The following SERINC4 variants were observed in gnomAD, a reference collection of about 807,000 sequenced individuals.
The protein encoded by SERINC4 is serine incorporator 4.
A neutral mutation model predicts 52.0 loss-of-function variants in SERINC4; 52 were observed. The ratio of observed to expected loss-of-function variants is 1.00; its 90% CI spans 0.80 to 1.26. SERINC4 has a LOEUF of 1.26. SERINC4 is among the 50% of genes most tolerant of loss of function. The pLI is 0.00. For synonymous variants in SERINC4, 264 were observed against 247.7 expected, an observed-to-expected ratio of 1.07 and a Z score of -0.62; for missense variants, 723 against 632.8, an observed-to-expected ratio of 1.14 and a Z score of -1.53.
At chr15:43,799,735 G>T in intron 1 of SERINC4, 150 bp downstream of exon 1, 1 of 822,568 alleles carries the variant, frequency 1.2e-6, no homozygotes, top group Non-Finnish European at 2.1e-6. Flanking sequence ...AAACACCTGG[G>T]GCTGGAAACA....
chr15:43,797,475 C>T (rs1456610016), intron 5 of SERINC4, 119 bp from the exon 6 acceptor site: 2 of 709,668 alleles, frequency 2.8e-6, no homozygotes, highest in South Asian at 1.9e-5. Context: ...TCACTGCAAC[C>T]TCCGCCTCTT....
intron 2 of SERINC4, 66 bp downstream of exon 2, chr15:43,799,244 C>T: frequency 6.6e-7 from 1 of 1,521,478 alleles, no homozygotes; most frequent in Non-Finnish European, 8.9e-7. Context: ...CAACCGAAAC[C>T]TTTTCTATCT....
chr15:43,796,560 C>A, intron 8 of SERINC4, 56 bp downstream of exon 8: 1 of 1,590,868 alleles, frequency 6.3e-7, no homozygotes, highest in Non-Finnish European at 8.6e-7. Context: ...CCTGACCATC[C>A]TTCCCTGTCT....
chr15:43,799,281 A>G (rs1368599551), intron 2 of SERINC4, 29 bp downstream of exon 2: 4 of 1,543,538 alleles, frequency 2.6e-6, no homozygotes, highest in Non-Finnish European at 3.5e-6. Flanking sequence ...ATCTCTTCCC[A>G]CCTGACAACC....
Position 43,799,905 on chromosome 15 carries a change from C to G in SERINC4, c.82G>C (p.Val28Leu). ...QQHSGGSSVLVKSPFCQVCCC... is the reference protein window; with the variant it reads ...QQHSGGSSVLLKSPFCQVCCC... ...CTCACCTGACAGAAGGGACTTTTCA[C>G]TAGGACACTGCTGCCTCCGCTGTGC... The change falls in exon 1 of 12, where the codon GTG (valine) becomes CTG (leucine). Residue 28 changes from valine to leucine, a missense_variant. Physicochemically the swap from Val to Leu is conservative, Grantham distance 32. Transcript: ENST00000319327. 1 of 1,549,284 alleles carries G rather than the reference C, an allele frequency of 6.5e-7. No homozygotes were observed. The highest frequency in any genetic ancestry group is 1.2e-5 in the South Asian group (1 of 83,862).
At chr15:43,799,215 C>G in intron 2 of SERINC4, 78 bp from the exon 3 acceptor site, 2 of 1,504,206 alleles carry the variant, frequency 1.3e-6, no homozygotes, top group Non-Finnish European at 1.8e-6. Context: ...GGTATGACCA[C>G]TCATTTGTCT....
In SERINC4 at chr15:43,795,110, GC is replaced by G; in HGVS notation, c.1446del (p.Leu483CysfsTer19). Reference protein sequence around the residue: ...SCWACVLLYLGLLLAPLCWPP... With the variant: ...SCWACVLLYLXLLLAPLCWPP... The stretch of plus-strand genomic sequence containing the variant: ...GGCCAACAGAGTGGTGCCAGTAACA[GC>G]CCCAGATAGAGGAGTACGCAGGCCC... On this transcript the variant is annotated frameshift_variant, in exon 12 of 12. Transcript: ENST00000319327. LOFTEE classifies it low-confidence loss of function (END_TRUNC). The G allele has an allele frequency of 6.2e-7, 1 of 1,614,058 alleles. No individual in the cohort carries two copies. The highest frequency in any genetic ancestry group is 8.5e-7 in the Non-Finnish European group (1 of 1,179,994).
In SERINC4 at chr15:43,799,968, C is replaced by A; in HGVS notation, c.19G>T (p.Gly7Cys). MVGAKA[G>C]PSPGTSLGLA... ...CCCAGGGAGGTGCCGGGGCTGGGGC[C>A]GGCCTTGGCACCCACCATCCTTGTC... Residue 7 changes from glycine (G) to cysteine (C), a missense_variant, in exon 1 of 12, where the codon GGC (glycine) becomes TGC (cysteine). Coordinates refer to ENST00000319327, the MANE Select transcript of SERINC4 (RefSeq NM_001258031.2). 6.5e-7 allele frequency: 1 copy of A among 1,545,174 alleles called. No homozygotes were observed. Among genetic ancestry groups the A allele is most frequent in the Non-Finnish European group, 8.7e-7 (1 of 1,145,024 alleles).
intron 9 of SERINC4, 98 bp downstream of exon 9, chr15:43,796,057 C>G: frequency 2.2e-6 from 2 of 889,612 alleles, no homozygotes; most frequent in South Asian, 1.4e-5. Context: ...GTAACAGCAG[C>G]TATAATCTGA....
At position 43,799,312 on chromosome 15, in the gene SERINC4, T is replaced by C. The variant is rs746379471; in HGVS notation, c.277A>G (p.Arg93Gly). 2 of 1,550,480 alleles carry C rather than the reference T, an allele frequency of 1.3e-6. No homozygotes were observed. The highest frequency in any genetic ancestry group is 8.7e-7 in the Non-Finnish European group (1 of 1,146,530). The change falls in exon 2 of 12, where the codon AGG (arginine) becomes GGG (glycine). Residue 93 changes from arginine (R) to glycine (G), a missense_variant and splice_region_variant. Arg to Gly is a moderately radical substitution (Grantham distance 125). Transcript: ENST00000319327. ...CAACCCGACCCCCTCTCACTTACCCTGTGTGTCTTGCCCCACACCCTTTCC... is the reference window on the plus strand; with the variant it reads ...CAACCCGACCCCCTCTCACTTACCCCGTGTGTCTTGCCCCACACCCTTTCC... Reference protein sequence around the residue: ...VVERVWGKTHRIQMPSGLCAH... With the variant: ...VVERVWGKTHGIQMPSGLCAH...
At position 43,799,630 on chromosome 15, in the gene SERINC4, A is replaced by G. The variant is rs1042589572; in HGVS notation, c.103-144T>C. The G allele has an allele frequency of 2.8e-6, 3 of 1,076,502 alleles. No homozygotes were observed. The Admixed American group carries it at 5.9e-5, about 21-fold the overall frequency. The allele number at this position is 1,076,502 out of a possible 1,614,324, so 66.7% of individuals were successfully genotyped here. A position where few individuals can be genotyped will look rare whatever the true frequency, so the allele number is the denominator to read the frequency against. On this transcript the variant is annotated intron_variant, in intron 1 of 11. Transcript: ENST00000319327. ...TTCCTTTTACTCAGGTTCTGTTTCAAGCTGATTCCAGCCATTTGGGATTGC... is the reference window on the plus strand; with the variant it reads ...TTCCTTTTACTCAGGTTCTGTTTCAGGCTGATTCCAGCCATTTGGGATTGC...
intron 5 of SERINC4, chr15:43,797,635 C>T (rs888479274): frequency 3.9e-6 from 2 of 509,036 alleles, no homozygotes; most frequent in Non-Finnish European, 7.1e-6. Context: ...TCATGATCCA[C>T]CCACCTCGGC....
rs1242969769 is a variant in SERINC4 at position 43,797,237 on chromosome 15, G to A, written c.752C>T (p.Ala251Val). 1 of 1,550,664 alleles carries A rather than the reference G, an allele frequency of 6.4e-7. No individual in the cohort carries two copies. Among genetic ancestry groups the A allele is most frequent in the Non-Finnish European group, 8.7e-7 (1 of 1,146,994 alleles). Residue 251 changes from alanine to valine, a missense_variant, in exon 6 of 12, where the codon GCT becomes GTT. Coordinates refer to ENST00000319327, the MANE Select transcript of SERINC4 (RefSeq NM_001258031.2). ...GAGCATCTTGTTAAGCAGGCAGCCAGCTGGGTGTGTATAATAGTGGAATAG... is the reference window on the plus strand; with the variant it reads ...GAGCATCTTGTTAAGCAGGCAGCCAACTGGGTGTGTATAATAGTGGAATAG... The part of the protein sequence containing the change: ...VLLFHYYTHP[A>V]GCLLNKMLLS...
Position 43,795,219 on chromosome 15 carries a change from T to C in SERINC4, c.1344-6A>G, listed in dbSNP as rs1460783232. ...CCAGTTCTGCTCCCTCATAGCTGTG[T>C]AACCAAAGGCTCTGGTTAGAGAATA... On this transcript the variant is annotated splice_polypyrimidine_tract_variant and splice_region_variant and intron_variant, in intron 11 of 11. Coordinates refer to ENST00000319327, the MANE Select transcript of SERINC4 (RefSeq NM_001258031.2). 1.2e-6 allele frequency: 2 copies of C among 1,613,834 alleles called. No individual in the cohort carries two copies. The highest frequency in any genetic ancestry group is 1.7e-5 in the Admixed American group (1 of 60,022).
Position 43,799,299 on chromosome 15 carries a change from C to T in SERINC4, c.279+11G>A, listed in dbSNP as rs1398070628. Reference sequence around the variant, plus strand: ...TCTTCCCACCTGACAACCCGACCCCCTCTCACTTACCCTGTGTGTCTTGCC... The same window carrying T: ...TCTTCCCACCTGACAACCCGACCCCTTCTCACTTACCCTGTGTGTCTTGCC... On this transcript the variant is annotated intron_variant, in intron 2 of 11. Coordinates refer to ENST00000319327, the MANE Select transcript of SERINC4 (RefSeq NM_001258031.2). 19 of 1,549,696 alleles carry T rather than the reference C, an allele frequency of 1.2e-5. No homozygotes were observed. The highest frequency in any genetic ancestry group is 1.4e-5 in the Non-Finnish European group (16 of 1,146,030).
In SERINC4 at chr15:43,796,143, C is replaced by T; in HGVS notation, c.1140+12G>A. On this transcript the variant is annotated intron_variant, in intron 9 of 11. Coordinates refer to ENST00000319327, the MANE Select transcript of SERINC4 (RefSeq NM_001258031.2). Reference sequence around the variant, plus strand: ...GGGAGGGTGTTGGGGATATGGAGCTCTTTATCCTCACCTGAAACTCATAGC... The same window carrying T: ...GGGAGGGTGTTGGGGATATGGAGCTTTTTATCCTCACCTGAAACTCATAGC... 1.2e-6 allele frequency: 2 copies of T among 1,605,888 alleles called. No individual in the cohort carries two copies. The highest frequency in any genetic ancestry group is 1.7e-6 in the Non-Finnish European group (2 of 1,172,554).
rs1209560237 is a variant in SERINC4 at position 43,798,979 on chromosome 15, C to T, written c.438G>A (p.Pro146=). ...LLVHLHSPTS[P]RAQLHNSFWL... ...CAAACCTATTATGCAGCTGTGCCCG[C>T]GGGCTGGTGGGGGAGTGGAGGTGGA... Residue 146 remains proline (P), a synonymous_variant, in exon 3 of 12, where the codon CCG becomes CCA. Coordinates refer to ENST00000319327, the MANE Select transcript of SERINC4 (RefSeq NM_001258031.2). The T allele has an allele frequency of 3.2e-6, 5 of 1,550,450 alleles. No individual in the cohort carries two copies. The highest frequency in any genetic ancestry group is 2.4e-5 in the East Asian group (1 of 40,928).
chr15:43,795,222 C>G lies in SERINC4; in HGVS notation c.1344-9G>C. ...GTTCTGCTCCCTCATAGCTGTGTAA[C>G]CAAAGGCTCTGGTTAGAGAATATGA... is the stretch of plus-strand genomic sequence containing the variant. On this transcript the variant is annotated splice_polypyrimidine_tract_variant and intron_variant, in intron 11 of 11. Coordinates refer to ENST00000319327, the MANE Select transcript of SERINC4 (RefSeq NM_001258031.2). 2 of 1,613,740 alleles carry G rather than the reference C, an allele frequency of 1.2e-6. No homozygotes were observed. Among genetic ancestry groups the G allele is most frequent in the Non-Finnish European group, 1.7e-6 (2 of 1,179,706 alleles).
Position 43,794,210 on chromosome 15 carries a change from C to G in SERINC4, c.*790G>C. The stretch of plus-strand genomic sequence containing the variant: ...CCTTTATTATACAATGACAACCAAA[C>G]AAGTACTCCGGATATGCAGTAGAGG... On this transcript the variant is annotated 3_prime_UTR_variant, in exon 12 of 12. Coordinates refer to ENST00000319327, the MANE Select transcript of SERINC4 (RefSeq NM_001258031.2). 1 of 503,312 alleles carries G rather than the reference C, an allele frequency of 2.0e-6. No individual in the cohort carries two copies. Among genetic ancestry groups the G allele is most frequent in the Non-Finnish European group, 3.5e-6 (1 of 284,744 alleles). The allele number at this position is 503,312 out of a possible 1,614,324, so 31.2% of individuals were successfully genotyped here.
Sources: gnomAD v4.1 joint callset for allele counts on GRCh38, gnomAD v4.1.1 for gene constraint, MANE v1.5 for transcripts, NCBI Gene and HGNC (gene_info 2026-07-23, HGNC 2026-07-21) for gene names.